The following RBPJ variants were observed in gnomAD, a reference collection of about 807,000 sequenced individuals.
RBPJ encodes the protein recombination signal binding protein for immunoglobulin kappa J region.
A neutral mutation model predicts 67.8 loss-of-function variants in RBPJ; 9 were observed. That is an observed-to-expected ratio of 0.13 (90% CI 0.08 to 0.23). The LOEUF (loss-of-function observed/expected upper bound fraction) is 0.23, where lower values mean the gene tolerates loss of function less well. RBPJ is among the 10% of genes least tolerant of loss of function. The probability of loss-of-function intolerance (pLI) is 1.00; values close to 1 mark genes in which losing one functional copy is unlikely to be tolerated. For synonymous variants in RBPJ, 198 were observed against 203.3 expected (o/e 0.97, Z 0.22); for missense variants, 305 against 595.6 (o/e 0.51, Z 5.08).
At chr4:26,291,545 A>G (rs545526080) in intron 1 of RBPJ, among the ~76,000 whole-genome samples, 4 of 150,644 alleles carry the variant, frequency 2.7e-5, no homozygotes, top group African/African-American at 7.3e-5. Flanking sequence ...TTCTAAGCAA[A>G]GGAAATGAGT....
In RBPJ at chr4:26,215,665, G is replaced by A. The variant is rs148951166; in HGVS notation, c.-167+52051G>A. ...CTGAGATAATAGGAGAAACACTGGA[G>A]TGTCACGAAAACAGGGTGGCAGATC... On this transcript the variant is annotated intron_variant, in intron 1 of 4. Transcript: ENST00000512351. Among the ~76,000 whole-genome samples the A allele has an allele frequency of 2.3e-3, 352 of 152,258 alleles. 2 individuals carry two copies. Among genetic ancestry groups the A allele is most frequent in the African/African-American group, 8.0e-3 (333 of 41,542 alleles).
At chr4:26,254,610 T>G (rs1447838819) in intron 1 of RBPJ, among the ~76,000 whole-genome samples, 2 of 148,642 alleles carry the variant, frequency 1.3e-5, no homozygotes, top group Non-Finnish European at 2.9e-5. Context: ...GCTATGTAAA[T>G]GCTATACATG....
intron 1 of RBPJ, among the ~76,000 whole-genome samples, chr4:26,250,953 C>G (rs1720089428): frequency 6.6e-6 from 1 of 152,168 alleles, no homozygotes; most frequent in Admixed American, 6.5e-5. Flanking sequence ...GAGTCTGGGA[C>G]TATATGATGT....
chr4:26,125,823 T>C, the RBPJ span, among the ~76,000 whole-genome samples: 1 of 151,964 alleles, frequency 6.6e-6, no homozygotes, highest in African/African-American at 2.4e-5. Flanking sequence ...ATCGTCCCTC[T>C]TCTTTAGTTA....
At chr4:26,141,528 A>G in the RBPJ span, among the ~76,000 whole-genome samples, 1 of 152,198 alleles carries the variant, frequency 6.6e-6, no homozygotes, top group Non-Finnish European at 1.5e-5. Context: ...TAACTGACAC[A>G]TAATTGCACA....
intron 1 of RBPJ, among the ~76,000 whole-genome samples, chr4:26,327,950 T>A (rs567853629): frequency 1.1e-4 from 17 of 152,354 alleles, no homozygotes; most frequent in South Asian, 2.1e-4. Context: ...GTAGTTTTTT[T>A]AAAATAATGT....
At chr4:26,126,145 A>G in the RBPJ span, among the ~76,000 whole-genome samples, 1 of 152,256 alleles carries the variant, frequency 6.6e-6, no homozygotes, top group Non-Finnish European at 1.5e-5. Flanking sequence ...TGAATGGAAA[A>G]GATCAAGCAC....
the RBPJ span, among the ~76,000 whole-genome samples, chr4:26,123,665 A>G: frequency 6.6e-6 from 1 of 152,170 alleles, no homozygotes; most frequent in Non-Finnish European, 1.5e-5. Context: ...CTTTCTTTAT[A>G]CCCTTATTCT....
At chr4:26,112,744 T>A in the RBPJ span, 1 of 148,086 alleles carries the variant, frequency 6.8e-6, no homozygotes, top group Non-Finnish European at 1.5e-5. Flanking sequence ...ATAATTCTTA[T>A]AAGGGAGAAT....
chr4:26,197,747 C>A (rs1398152699), intron 1 of RBPJ, among the ~76,000 whole-genome samples: 1 of 151,982 alleles, frequency 6.6e-6, no homozygotes, highest in Non-Finnish European at 1.5e-5. Flanking sequence ...GTATGGGCAC[C>A]CCTGGCCGCT....
chr4:26,369,758 AACTTGGTGGCTGTGAC>A (rs1728971964), intron 1 of RBPJ, among the ~76,000 whole-genome samples: 1 of 151,740 alleles, frequency 6.6e-6, no homozygotes. Context: ...ATTTCTCTTC[AACTTGGTGGCTGTGAC>A]ACTCCCTCAA....
intron 1 of RBPJ, among the ~76,000 whole-genome samples, chr4:26,198,653 G>A (rs896823566): frequency 6.6e-5 from 10 of 152,146 alleles, no homozygotes; most frequent in Non-Finnish European, 1.5e-4. Context: ...AGAAAACTAA[G>A]GCACAGAGAA....
intron 1 of RBPJ, among the ~76,000 whole-genome samples, chr4:26,340,927 A>G (rs1312540400): frequency 6.6e-6 from 1 of 152,180 alleles, no homozygotes; most frequent in Admixed American, 6.5e-5. Flanking sequence ...AAGTGTCATA[A>G]AGGAAAAAAA....
chr4:26,116,463 A>G, the RBPJ span, among the ~76,000 whole-genome samples: 4 of 152,296 alleles, frequency 2.6e-5, no homozygotes, highest in African/African-American at 7.2e-5. Context: ...CCCACCTGCT[A>G]TTGCAGAAAC....
At chr4:26,198,999 G>A (rs1041311321) in intron 1 of RBPJ, among the ~76,000 whole-genome samples, 1 of 151,720 alleles carries the variant, frequency 6.6e-6, no homozygotes, top group East Asian at 1.9e-4. Flanking sequence ...TTTACATTGC[G>A]ATGCAACCAT....
intron 1 of RBPJ, among the ~76,000 whole-genome samples, chr4:26,274,226 G>C (rs1448588852): frequency 6.6e-6 from 1 of 152,174 alleles, no homozygotes; most frequent in African/African-American, 2.4e-5. Flanking sequence ...ACCCACAACA[G>C]TGCCACATAC....
At chr4:26,350,637 G>C (rs1357475475) in intron 1 of RBPJ, among the ~76,000 whole-genome samples, 2 of 152,142 alleles carry the variant, frequency 1.3e-5, no homozygotes, top group Non-Finnish European at 2.9e-5. Context: ...AAGAGGTGAG[G>C]ATGGAGGGCA....
chr4:26,272,652 T>G (rs7680528), intron 1 of RBPJ: 2 of 448,492 alleles, frequency 4.5e-6, no homozygotes, highest in Admixed American at 4.7e-5. Flanking sequence ...GCATTTTGTC[T>G]TCATTTTTTC....
intron 2 of RBPJ, among the ~76,000 whole-genome samples, chr4:26,388,923 G>GT (rs1407657400): frequency 6.6e-6 from 1 of 152,090 alleles, no homozygotes; most frequent in African/African-American, 2.4e-5. Flanking sequence ...AGTGAAAACT[G>GT]TAAAACCACA....
Sources: allele counts gnomAD v4.1 joint callset (sites outside exome capture counted in the v4.1 genomes callset), GRCh38; gene constraint gnomAD v4.1.1; transcripts MANE v1.5; gene names NCBI Gene and HGNC (gene_info 2026-07-23, HGNC 2026-07-21).